Variants in SNTG2 observed in about 807,000 individuals in gnomAD.
The protein encoded by SNTG2 is gamma-2-syntrophin.
In SNTG2, 74 loss-of-function variants were observed where a neutral mutation model predicts 70.9. The observed-to-expected ratio is 1.04, with a 90% CI of 0.86 to 1.27. The LOEUF (loss-of-function observed/expected upper bound fraction) is 1.27, where lower values mean the gene tolerates loss of function less well. Among genes scored for constraint, SNTG2 ranks in the 50% most tolerant of loss-of-function variants. SNTG2 has a pLI of 0.00. For synonymous variants in SNTG2, 278 were observed against 273.8 expected (o/e 1.02, Z -0.15); for missense variants, 717 against 690.7 (o/e 1.04, Z -0.43).
At chr2:1,306,746 C>T (rs1558193710) in intron 14 of SNTG2, among the ~76,000 whole-genome samples, 2 of 148,646 alleles carry the variant, frequency 1.3e-5, no homozygotes, top group African/African-American at 4.9e-5. Context: ...GTGAGCCACA[C>T]TGTGTGTGTC....
intron 16 of SNTG2, among the ~76,000 whole-genome samples, chr2:1,350,114 A>AC (rs571252155): frequency 4.6e-5 from 7 of 151,348 alleles, no homozygotes; most frequent in South Asian, 4.2e-4. Context: ...CCTTGCTATC[A>AC]CCCCCCCAGT....
intron 1 of SNTG2, among the ~76,000 whole-genome samples, chr2:1,014,989 G>A (rs952250263): frequency 3.9e-5 from 6 of 152,286 alleles, no homozygotes; most frequent in African/African-American, 1.4e-4. Flanking sequence ...CCCCGGGAGG[G>A]GGCTGGGCTG....
chr2:1,199,685 G>T (rs1483730043), intron 8 of SNTG2, among the ~76,000 whole-genome samples: 1 of 151,884 alleles, frequency 6.6e-6, no homozygotes, highest in Admixed American at 6.6e-5. Context: ...GCAGGATAAA[G>T]AATCAATACA....
intron 1 of SNTG2, among the ~76,000 whole-genome samples, chr2:1,077,274 T>C (rs1417727556): frequency 6.6e-6 from 1 of 152,210 alleles, no homozygotes; most frequent in African/African-American, 2.4e-5. Flanking sequence ...ATTCTGTGCG[T>C]TCACACACAC....
chr2:1,157,652 CAT>C (rs1669993387), intron 6 of SNTG2, among the ~76,000 whole-genome samples: 1 of 152,200 alleles, frequency 6.6e-6, no homozygotes, highest in Admixed American at 6.5e-5. Flanking sequence ...TCTTTATTAA[CAT>C]AGTGTATTTA....
chr2:1,243,659 A>T (rs532368804), intron 11 of SNTG2, among the ~76,000 whole-genome samples: 1 of 152,342 alleles, frequency 6.6e-6, no homozygotes. Flanking sequence ...GTTCCTGCAC[A>T]TCAGTTTCCT....
chr2:1,091,303 G>C (rs528713034), intron 2 of SNTG2, among the ~76,000 whole-genome samples: 62 of 152,294 alleles, frequency 4.1e-4, no homozygotes, highest in African/African-American at 1.4e-3. Flanking sequence ...CAGGTCCCTG[G>C]ACCACTTGGG....
chr2:1,103,273 T>A (rs1482053015), intron 4 of SNTG2: 1 of 226,874 alleles, frequency 4.4e-6, no homozygotes, highest in Non-Finnish European at 9.3e-6. Context: ...TTTGTTAATA[T>A]TACATTTGAA....
At chr2:1,363,565 T>C (rs956480293) in intron 16 of SNTG2, among the ~76,000 whole-genome samples, 49 of 152,172 alleles carry the variant, frequency 3.2e-4, no homozygotes, top group Non-Finnish European at 6.6e-4. Flanking sequence ...TGGAAACACA[T>C]CAGCCCATGA....
At chr2:1,098,698 C>A (rs1665559975) in intron 4 of SNTG2, among the ~76,000 whole-genome samples, 1 of 152,142 alleles carries the variant, frequency 6.6e-6, no homozygotes, top group South Asian at 2.1e-4. Context: ...GGTTTGAATG[C>A]TGATTTTAAG....
intron 2 of SNTG2, among the ~76,000 whole-genome samples, chr2:1,090,345 T>A (rs1558387258): frequency 6.6e-6 from 1 of 152,188 alleles, no homozygotes; most frequent in Non-Finnish European, 1.5e-5. Flanking sequence ...GATGTGTACA[T>A]TCGCTAGAAG....
chr2:1,166,874 C>T (rs771681688), intron 7 of SNTG2, among the ~76,000 whole-genome samples: 5 of 152,156 alleles, frequency 3.3e-5, no homozygotes, highest in Non-Finnish European at 7.3e-5. Context: ...GGCAGGCTAT[C>T]GACTGGCAGA....
At chr2:990,378 G>T (rs1661450667) in intron 1 of SNTG2, among the ~76,000 whole-genome samples, 1 of 152,202 alleles carries the variant, frequency 6.6e-6, no homozygotes, top group Non-Finnish European at 1.5e-5. Context: ...CTGGAGGCTA[G>T]AAATTCAAGA....
chr2:1,022,589 G>T (rs1660253143), intron 1 of SNTG2, among the ~76,000 whole-genome samples: 1 of 152,056 alleles, frequency 6.6e-6, no homozygotes, highest in South Asian at 2.1e-4. Context: ...CCGAGTTTCT[G>T]ATTCCCTGTG....
intron 12 of SNTG2, among the ~76,000 whole-genome samples, chr2:1,254,204 T>C (rs2148148433): frequency 6.6e-6 from 1 of 152,294 alleles, no homozygotes; most frequent in Admixed American, 6.5e-5. Flanking sequence ...GTTTCACAGC[T>C]CAGTTGTTCC....
intron 16 of SNTG2, among the ~76,000 whole-genome samples, chr2:1,359,006 G>A (rs896302674): frequency 2.0e-5 from 3 of 152,080 alleles, no homozygotes; most frequent in Non-Finnish European, 4.4e-5. Flanking sequence ...TCATACACAG[G>A]TTGAATATGC....
At chr2:1,135,174 T>C (rs1276409506) in intron 4 of SNTG2, among the ~76,000 whole-genome samples, 2 of 152,180 alleles carry the variant, frequency 1.3e-5, no homozygotes, top group Non-Finnish European at 2.9e-5. Flanking sequence ...AGACAAGAAA[T>C]GGCAGCTCCA....
intron 1 of SNTG2, among the ~76,000 whole-genome samples, chr2:1,002,556 G>A (rs1264253288): frequency 1.3e-5 from 2 of 151,794 alleles, no homozygotes; most frequent in South Asian, 2.1e-4. Flanking sequence ...ATGAGATACC[G>A]CCTTATACCA....
intron 1 of SNTG2, among the ~76,000 whole-genome samples, chr2:1,004,125 A>G (rs1184090604): frequency 1.3e-5 from 2 of 152,228 alleles, no homozygotes; most frequent in Non-Finnish European, 2.9e-5. Context: ...ATTCTATAAA[A>G]GAAGTTATAC....
Sources: gnomAD v4.1 joint callset for allele counts (sites outside exome capture counted in the v4.1 genomes callset) on GRCh38, gnomAD v4.1.1 for gene constraint, MANE v1.5 for transcripts, NCBI Gene and HGNC (gene_info 2026-07-23, HGNC 2026-07-21) for gene names.